CECR2: variants seen among roughly 807,000 people sequenced by gnomAD.
The protein encoded by CECR2 is CECR2 histone acetyl-lysine reader.
A neutral mutation model predicts 154.5 loss-of-function variants in CECR2; 30 were observed. The ratio of observed to expected loss-of-function variants is 0.19; its 90% CI spans 0.15 to 0.26. The LOEUF (loss-of-function observed/expected upper bound fraction) is 0.26, where lower values mean the gene tolerates loss of function less well. CECR2 is among the 10% of genes least tolerant of loss of function. CECR2 has a pLI of 1.00. For synonymous variants in CECR2, 725 were observed against 683.7 expected, an observed-to-expected ratio of 1.06 and a Z score of -0.94; for missense variants, 1,743 against 1,829.3, an observed-to-expected ratio of 0.95 and a Z score of 0.86.
intron 6 of CECR2, 89 bp from the exon 7 acceptor site, chr22:17,504,758 C>A: frequency 8.1e-7 from 1 of 1,241,396 alleles, no homozygotes. Context: ...TTATTTTAGT[C>A]ATGACCCACA....
chr22:17,497,639 A>G, intron 3 of CECR2, 53 bp downstream of exon 3: 1 of 1,569,026 alleles, frequency 6.4e-7, no homozygotes, highest in Non-Finnish European at 8.8e-7. Context: ...CAGCAATCAG[A>G]AATGTAGTCA....
At chr22:17,450,211 T>C (rs1393244980) in intron 1 of CECR2, among the ~76,000 whole-genome samples, 1 of 152,204 alleles carries the variant, frequency 6.6e-6, no homozygotes, top group African/African-American at 2.4e-5. Context: ...TTAGATTCAT[T>C]TGAGGAAAAG....
intron 1 of CECR2, among the ~76,000 whole-genome samples, chr22:17,386,809 C>T (rs1408031234): frequency 6.6e-6 from 1 of 152,032 alleles, no homozygotes; most frequent in Non-Finnish European, 1.5e-5. Flanking sequence ...TGCCACCACG[C>T]CCAGCTAATT....
chr22:17,549,172 A>G lies in CECR2; in HGVS notation c.3885A>G (p.Glu1295=). The change falls in exon 17 of 19, where the codon GAA becomes GAG. Residue 1295 remains glutamate (E), a synonymous_variant. Transcript: ENST00000262608. ...TGGAGAGGCCAGAGAGTCCCAAAGAATTTTTAGACCTGGACAACCATAACG... is the reference window on the plus strand; with the variant it reads ...TGGAGAGGCCAGAGAGTCCCAAAGAGTTTTTAGACCTGGACAACCATAACG... ...ESMERPESPK[E]FLDLDNHNAA... 3.1e-6 allele frequency: 5 copies of G among 1,614,022 alleles called. No homozygotes were observed. Among genetic ancestry groups the G allele is most frequent in the Non-Finnish European group, 3.4e-6 (4 of 1,179,894 alleles).
chr22:17,506,352 C>T (rs1476702911), intron 7 of CECR2, among the ~76,000 whole-genome samples: 1 of 151,628 alleles, frequency 6.6e-6, no homozygotes, highest in Non-Finnish European at 1.5e-5. Flanking sequence ...GTCCTGAACT[C>T]CTGGGCTGAA....
At chr22:17,413,432 T>C (rs1224719316) in intron 1 of CECR2, among the ~76,000 whole-genome samples, 1 of 152,164 alleles carries the variant, frequency 6.6e-6, no homozygotes, top group Non-Finnish European at 1.5e-5. Context: ...ATTACCTCAC[T>C]TCCTTAAGCT....
intron 10 of CECR2, 149 bp downstream of exon 10, chr22:17,537,381 G>T: frequency 1.2e-6 from 1 of 850,430 alleles, no homozygotes; most frequent in Non-Finnish European, 1.8e-6. Flanking sequence ...TGCACACACA[G>T]ACACGCCTAG....
intron 9 of CECR2, among the ~76,000 whole-genome samples, chr22:17,536,636 C>T (rs767690333): frequency 6.6e-6 from 1 of 152,188 alleles, no homozygotes; most frequent in Non-Finnish European, 1.5e-5. Context: ...AGAGCTGGGA[C>T]GTGCGTTTAA....
At position 17,511,806 on chromosome 22, in the gene CECR2, A is replaced by T. The variant is rs770566419; in HGVS notation, c.871-7A>T. On this transcript the variant is annotated splice_region_variant and splice_polypyrimidine_tract_variant and intron_variant, in intron 7 of 18. Coordinates refer to ENST00000262608, the MANE Select transcript of CECR2 (RefSeq NM_001290047.2). ...TTTTCCTTTCTCTTCTTCACTTCTA[A>T]CTATAGGGAAAACGTCCACAGCGCA... The T allele has an allele frequency of 8.1e-6, 13 of 1,609,152 alleles. No individual in the cohort carries two copies. The highest frequency in any genetic ancestry group is 1.1e-5 in the Non-Finnish European group (13 of 1,177,292).
intron 2 of CECR2, among the ~76,000 whole-genome samples, chr22:17,487,416 T>C (rs1020825952): frequency 9.9e-5 from 15 of 152,178 alleles, no homozygotes; most frequent in African/African-American, 2.9e-4. Context: ...ATATTTTTCA[T>C]TGGTTGGGCG....
intron 1 of CECR2, among the ~76,000 whole-genome samples, chr22:17,462,099 T>TA: frequency 6.6e-6 from 1 of 151,974 alleles, no homozygotes; most frequent in East Asian, 2.0e-4. Flanking sequence ...CAGTACCTGT[T>TA]ACTTTTTTAA....
At chr22:17,525,279 C>A in intron 9 of CECR2, among the ~76,000 whole-genome samples, 1 of 38,162 alleles carries the variant, frequency 2.6e-5, no homozygotes, top group African/African-American at 1.3e-4. Flanking sequence ...GAGTGAAACT[C>A]CATCTCCAAA....
At chr22:17,403,271 CT>C (rs1264571630) in intron 1 of CECR2, among the ~76,000 whole-genome samples, 4 of 146,124 alleles carry the variant, frequency 2.7e-5, no homozygotes, top group Non-Finnish European at 6.0e-5. Context: ...TCATTTTTTT[CT>C]TTTGGTACTG....
At chr22:17,518,098 C>G (rs1478583969) in intron 8 of CECR2, among the ~76,000 whole-genome samples, 1 of 151,754 alleles carries the variant, frequency 6.6e-6, no homozygotes, top group African/African-American at 2.4e-5. Flanking sequence ...TCAGAGCCCA[C>G]CAGTTCTTTT....
chr22:17,428,826 G>GTGTGTGTGTA (rs369291932), intron 1 of CECR2, among the ~76,000 whole-genome samples: 4,504 of 150,634 alleles, frequency 0.03, 102 homozygotes, highest in Non-Finnish European at 0.044. Flanking sequence ...GTGTGTGTGT[G>GTGTGTGTGTA]TATATAAAGG....
chr22:17,380,695 C>T (rs1290931288), intron 1 of CECR2, among the ~76,000 whole-genome samples: 2 of 152,210 alleles, frequency 1.3e-5, no homozygotes, highest in African/African-American at 4.8e-5. Flanking sequence ...AGCCGTGGGG[C>T]CACAATTAAG....
intron 1 of CECR2, among the ~76,000 whole-genome samples, chr22:17,396,840 G>A (rs1004241526): frequency 6.6e-6 from 1 of 152,200 alleles, no homozygotes; most frequent in Admixed American, 6.5e-5. Flanking sequence ...TATGAGGGTA[G>A]GTGAGAGATG....
intron 1 of CECR2, among the ~76,000 whole-genome samples, chr22:17,461,135 T>C (rs2054931557): frequency 6.6e-6 from 1 of 152,214 alleles, no homozygotes; most frequent in Non-Finnish European, 1.5e-5. Context: ...AGCTCTTATT[T>C]GTAGAAATGG....
chr22:17,470,693 T>C (rs1044407560), intron 1 of CECR2, among the ~76,000 whole-genome samples: 8 of 53,172 alleles, frequency 1.5e-4, no homozygotes, highest in Non-Finnish European at 2.8e-4. Flanking sequence ...GCAAAACCCT[T>C]ACTGACTGTG....
Sources: allele counts gnomAD v4.1 joint callset (sites outside exome capture counted in the v4.1 genomes callset), GRCh38; gene constraint gnomAD v4.1.1; transcripts MANE v1.5; gene names NCBI Gene and HGNC (gene_info 2026-07-23, HGNC 2026-07-21).